The following OSMR variants were observed in gnomAD, a reference collection of about 807,000 sequenced individuals.
The protein encoded by OSMR is oncostatin M receptor.
In OSMR, 81 loss-of-function variants were observed where a neutral mutation model predicts 99.9. That is an observed-to-expected ratio of 0.81 (90% CI 0.68 to 0.97). OSMR has a LOEUF of 0.97. Among genes scored for constraint, OSMR ranks in the 50% least tolerant of loss-of-function variants. The probability of loss-of-function intolerance (pLI) is 0.00; values close to 1 mark genes in which losing one functional copy is unlikely to be tolerated. For synonymous variants in OSMR, 406 were observed against 410.4 expected, an observed-to-expected ratio of 0.99 and a Z score of 0.13; for missense variants, 1,099 against 1,153.4, an observed-to-expected ratio of 0.95 and a Z score of 0.68.
chr5:38,879,325 G>A (rs1014963873), intron 3 of OSMR, among the ~76,000 whole-genome samples: 1 of 152,234 alleles, frequency 6.6e-6, no homozygotes, highest in Non-Finnish European at 1.5e-5. Context: ...TGGAGTGCAT[G>A]CTCAGGTTTT....
chr5:38,869,022 T>G lies in OSMR; in HGVS notation c.-13-10T>G. 6.2e-7 allele frequency: 1 copy of G among 1,612,572 alleles called. No individual in the cohort carries two copies. Among genetic ancestry groups the G allele is most frequent in the Non-Finnish European group, 8.5e-7 (1 of 1,179,098 alleles). ...ATAAAATTTTCCTTCTTATAATTTA[T>G]CTTTTTCAGAAAACCAGAACTGATG... On this transcript the variant is annotated splice_polypyrimidine_tract_variant and intron_variant, in intron 1 of 17. Coordinates refer to ENST00000274276, the MANE Select transcript of OSMR (RefSeq NM_003999.3).
At chr5:38,859,322 T>C (rs1377448471) in intron 1 of OSMR, among the ~76,000 whole-genome samples, 1 of 152,200 alleles carries the variant, frequency 6.6e-6, no homozygotes, top group Non-Finnish European at 1.5e-5. Context: ...TGCATTGGTA[T>C]CCAGTTTTCC....
chr5:38,899,158 C>A (rs1744728059), intron 7 of OSMR, among the ~76,000 whole-genome samples: 1 of 152,080 alleles, frequency 6.6e-6, no homozygotes, highest in Non-Finnish European at 1.5e-5. Context: ...CAGGGTTTCA[C>A]CATGTTGGCC....
In OSMR at chr5:38,918,943, C is replaced by G; in HGVS notation, c.1466C>G (p.Pro489Arg). The change falls in exon 11 of 18, where the codon CCA becomes CGA. Residue 489 changes from proline to arginine, a missense_variant. Transcript: ENST00000274276. ...SSSELHSIPA[P>R]ANSTKLILDR... ...TCAGAGCTCCATTCCATTCCAGCAC[C>G]AGCCAACAGCACAAAACTAATCCTT... The G allele has an allele frequency of 1.2e-6, 2 of 1,614,100 alleles. No homozygotes were observed. The highest frequency in any genetic ancestry group is 1.7e-6 in the Non-Finnish European group (2 of 1,179,984).
At chr5:38,853,291 A>G (rs747194064) in intron 1 of OSMR, among the ~76,000 whole-genome samples, 1 of 152,240 alleles carries the variant, frequency 6.6e-6, no homozygotes, top group Non-Finnish European at 1.5e-5. Context: ...TAAAATTAAC[A>G]TTAACTGGGT....
At chr5:38,910,119 A>C (rs551734485) in intron 9 of OSMR, among the ~76,000 whole-genome samples, 35 of 152,344 alleles carry the variant, frequency 2.3e-4, no homozygotes, top group African/African-American at 8.4e-4. Context: ...ATGATCAGAA[A>C]AGACAAAGAA....
At chr5:38,941,474 A>C (rs1747565687) in intron 1 of OSMR, 1 of 231,696 alleles carries the variant, frequency 4.3e-6, no homozygotes, top group African/African-American at 2.2e-5. Context: ...GTTCCTGTTT[A>C]AAGCGATGAG....
intron 1 of OSMR, among the ~76,000 whole-genome samples, chr5:38,862,947 C>T (rs894538131): frequency 4.3e-4 from 66 of 152,082 alleles, no homozygotes; most frequent in Non-Finnish European, 6.6e-4. Context: ...GGATCAGTCG[C>T]GGTTAGGAGC....
chr5:38,867,267 G>A (rs1742020064), intron 1 of OSMR, among the ~76,000 whole-genome samples: 1 of 152,158 alleles, frequency 6.6e-6, no homozygotes, highest in African/African-American at 2.4e-5. Flanking sequence ...TTGCAATTGG[G>A]CTTAGCTATA....
At chr5:38,878,013 C>T (rs1172316504) in intron 3 of OSMR, among the ~76,000 whole-genome samples, 1 of 152,068 alleles carries the variant, frequency 6.6e-6, no homozygotes, top group Non-Finnish European at 1.5e-5. Flanking sequence ...CTCACAACAC[C>T]CAACCCAGCC....
rs1579797467 is a variant in OSMR, at chr5:38,921,813, A to G, written c.1765+19A>G. On this transcript the variant is annotated intron_variant, in intron 12 of 17. Coordinates refer to ENST00000274276, the MANE Select transcript of OSMR (RefSeq NM_003999.3). ...AGCACAGGTAAGAAGAAGCTTCCAT[A>G]TCATCGCATTGCTATATTCACCTTG... The G allele has an allele frequency of 2.5e-6, 4 of 1,583,280 alleles. No homozygotes were observed. In the African/African-American group the frequency reaches 4.0e-5, roughly 16 times the overall value.
intron 7 of OSMR, among the ~76,000 whole-genome samples, chr5:38,890,281 A>G (rs1477588695): frequency 6.6e-6 from 1 of 152,176 alleles, no homozygotes; most frequent in East Asian, 1.9e-4. Context: ...TGAACCTGGC[A>G]AATATACTGA....
intron 9 of OSMR, among the ~76,000 whole-genome samples, chr5:38,907,145 A>G (rs1745290040): frequency 6.6e-6 from 1 of 152,192 alleles, no homozygotes; most frequent in East Asian, 1.9e-4. Context: ...CCCTACATTA[A>G]GAGTGGACAC....
At chr5:38,876,431 G>C in intron 3 of OSMR, 58 bp downstream of exon 3, 1 of 1,427,034 alleles carries the variant, frequency 7.0e-7, no homozygotes, top group Non-Finnish European at 9.8e-7. Flanking sequence ...AGACACCTTG[G>C]TTTTCTTTTA....
intron 15 of OSMR, among the ~76,000 whole-genome samples, chr5:38,929,809 G>GA (rs1029551327): frequency 1.3e-5 from 2 of 151,966 alleles, no homozygotes; most frequent in African/African-American, 4.8e-5. Flanking sequence ...CTATGCAAAG[G>GA]AAAAAAATAA....
At chr5:38,874,448 A>G (rs971629941) in intron 2 of OSMR, among the ~76,000 whole-genome samples, 2 of 152,168 alleles carry the variant, frequency 1.3e-5, no homozygotes, top group Non-Finnish European at 2.9e-5. Context: ...CTTTCATAGA[A>G]TGAGTTTTCT....
chr5:38,871,742 A>AGT (rs1742401252), intron 2 of OSMR, among the ~76,000 whole-genome samples: 1 of 152,226 alleles, frequency 6.6e-6, no homozygotes, highest in Admixed American at 6.5e-5. Context: ...GTTAAATTAT[A>AGT]GTATATATAT....
chr5:38,901,943 T>A (rs186600908), intron 7 of OSMR, among the ~76,000 whole-genome samples: 3 of 152,306 alleles, frequency 2.0e-5, no homozygotes, highest in Non-Finnish European at 4.4e-5. Context: ...TATTAGAGGA[T>A]GCCACAAGAG....
At chr5:38,938,938 A>C (rs1434894819), downstream of OSMR, 1 of 232,900 alleles carries the variant, frequency 4.3e-6, no homozygotes, top group Non-Finnish European at 8.5e-6. Context: ...CCATGTTTTA[A>C]TGGATTGTGA....
Sources: allele counts gnomAD v4.1 joint callset (sites outside exome capture counted in the v4.1 genomes callset), GRCh38; gene constraint gnomAD v4.1.1; transcripts MANE v1.5; gene names NCBI Gene and HGNC (gene_info 2026-07-23, HGNC 2026-07-21).